DEPDC5: variants seen among roughly 807,000 people sequenced by gnomAD.
DEPDC5 encodes the protein GATOR1 complex protein DEPDC5.
A neutral mutation model predicts 217.3 loss-of-function variants in DEPDC5; 73 were observed. The observed-to-expected ratio is 0.34, with a 90% CI of 0.28 to 0.41. DEPDC5 has a LOEUF of 0.41. Among genes scored for constraint, DEPDC5 ranks in the 10% least tolerant of loss-of-function variants. The pLI is 1.00. For missense variants in DEPDC5, 1,675 were observed against 2,070.1 expected, an observed-to-expected ratio of 0.81 and a Z score of 3.70; for synonymous variants, 733 against 756.7, an observed-to-expected ratio of 0.97 and a Z score of 0.51.
At chr22:31,785,242 A>C (rs1239547141) in intron 10 of DEPDC5, 2 of 164,844 alleles carry the variant, frequency 1.2e-5, no homozygotes, top group Admixed American at 1.3e-4. Flanking sequence ...ATTCACAGAT[A>C]ATATGATCCT....
intron 12 of DEPDC5, among the ~76,000 whole-genome samples, chr22:31,794,847 C>T (rs1272627714): frequency 1.3e-5 from 2 of 152,028 alleles, no homozygotes; most frequent in Non-Finnish European, 2.9e-5. Context: ...GATCATGCCA[C>T]TGCACTTTAG....
At chr22:31,900,921 T>A (rs1412514356) in intron 40 of DEPDC5, among the ~76,000 whole-genome samples, 1 of 151,154 alleles carries the variant, frequency 6.6e-6, no homozygotes, top group Non-Finnish European at 1.5e-5. Flanking sequence ...ACAAAAAGAT[T>A]TAAAAATTAA....
At chr22:31,837,206 A>G in intron 26 of DEPDC5, 51 bp downstream of exon 26, 3 of 1,592,098 alleles carry the variant, frequency 1.9e-6, no homozygotes, top group Non-Finnish European at 2.6e-6. Flanking sequence ...GGTTTCGGAT[A>G]TATCCCACAC....
In DEPDC5 at chr22:31,906,702, A is replaced by C; in HGVS notation, c.*205A>C. 1 of 669,436 alleles carries C rather than the reference A, an allele frequency of 1.5e-6. No individual in the cohort carries two copies. The highest frequency in any genetic ancestry group is 2.5e-6 in the Non-Finnish European group (1 of 402,584). 41.5% of individuals were successfully genotyped at this position (669,436 alleles called of 1,614,324 possible). A position where few individuals can be genotyped will look rare whatever the true frequency, so the allele number is the denominator to read the frequency against. On this transcript the variant is annotated 3_prime_UTR_variant, in exon 43 of 43. Coordinates refer to ENST00000651528, the MANE Select transcript of DEPDC5 (RefSeq NM_001242896.3). The surrounding 1 kb of genome is among the most constrained non-coding windows in gnomAD (Gnocchi z 5.1). Reference sequence around the variant, plus strand: ...TTCTACTCTAGAAGAAAGACTTTGGAAGCAGCTGCTGCTGCTGCCACCACT... The same window carrying C: ...TTCTACTCTAGAAGAAAGACTTTGGCAGCAGCTGCTGCTGCTGCCACCACT...
chr22:31,851,512 C>G (rs562415206), intron 31 of DEPDC5, among the ~76,000 whole-genome samples: 2 of 152,354 alleles, frequency 1.3e-5, no homozygotes, highest in African/African-American at 4.8e-5. Flanking sequence ...CATCAGAGCA[C>G]TTACCAGTAT....
chr22:31,810,435 A>G, intron 19 of DEPDC5, 86 bp from the exon 20 acceptor site: 2 of 1,584,144 alleles, frequency 1.3e-6, no homozygotes, highest in South Asian at 1.1e-5. Context: ...TATTTGGATG[A>G]CAATTTATAT....
At position 31,799,799 on chromosome 22, in the gene DEPDC5, C is replaced by CTTTTTT. The variant is rs1158355451; in HGVS notation, c.946+1165_946+1170dup. Among the ~76,000 whole-genome samples the CTTTTTT allele has an allele frequency of 3.7e-4, 27 of 72,932 alleles. 1 individual carries two copies. Among genetic ancestry groups the CTTTTTT allele is most frequent in the African/African-American group, 8.1e-4 (11 of 13,598 alleles). The allele number at this position is 72,932 out of a possible 152,430, so 47.8% of individuals were successfully genotyped here. A position where few individuals can be genotyped will look rare whatever the true frequency, so the allele number is the denominator to read the frequency against. On this transcript the variant is annotated intron_variant, in intron 14 of 42. Transcript: ENST00000651528. ...ACAGGCATGAGCCACCATGCCCGGC[C>CTTTTTT]TTTTTTTTTTTTTTTTTTTTTTTTT...
chr22:31,819,326 C>T lies in DEPDC5; in HGVS notation c.1870+101C>T, dbSNP rs143923637. ...TCCTTGGTCAGGTGCCTCTGTTGCT[C>T]CACCTGTAAGATGGGATAACCATGC... On this transcript the variant is annotated intron_variant, in intron 22 of 42. Coordinates refer to ENST00000651528, the MANE Select transcript of DEPDC5 (RefSeq NM_001242896.3). The T allele has an allele frequency of 9.3e-5, 119 of 1,282,302 alleles. No homozygotes were observed. The East Asian group carries it at 2.6e-3, about 28-fold the overall frequency. 79.4% of individuals were successfully genotyped at this position (1,282,302 alleles called of 1,614,324 possible).
chr22:31,886,852 C>CCTT (rs1164679028), intron 38 of DEPDC5, among the ~76,000 whole-genome samples: 1 of 139,972 alleles, frequency 7.1e-6, no homozygotes, highest in Admixed American at 7.2e-5. Context: ...GGGCGGATCA[C>CCTT]AAGGTCAGGA....
intron 41 of DEPDC5, 50 bp from the exon 42 acceptor site, chr22:31,905,934 C>G (rs763447860): frequency 6.6e-7 from 1 of 1,515,624 alleles, no homozygotes. Flanking sequence ...CTTCCCTTGC[C>G]CCTTTAACTA....
intron 10 of DEPDC5, 151 bp downstream of exon 10, chr22:31,785,026 A>G: frequency 1.6e-6 from 1 of 615,546 alleles, no homozygotes; most frequent in East Asian, 2.9e-5. Context: ...ATCTCAATTT[A>G]TGAGAATTTA....
chr22:31,893,838 T>A, intron 39 of DEPDC5, 87 bp downstream of exon 39: 2 of 1,369,900 alleles, frequency 1.5e-6, no homozygotes, highest in Non-Finnish European at 1.9e-6. Flanking sequence ...GTCACTTTAA[T>A]TTTTTAGTTC....
At chr22:31,803,148 G>T (rs1321651656) in intron 15 of DEPDC5, among the ~76,000 whole-genome samples, 1 of 152,010 alleles carries the variant, frequency 6.6e-6, no homozygotes, top group Non-Finnish European at 1.5e-5. Flanking sequence ...AACATATTTG[G>T]CACTAGAGAA....
At chr22:31,895,160 AAAAG>A (rs1303331169) in intron 39 of DEPDC5, among the ~76,000 whole-genome samples, 3 of 150,506 alleles carry the variant, frequency 2.0e-5, no homozygotes, top group African/African-American at 7.5e-5. Flanking sequence ...AAAAAAAAAA[AAAAG>A]GAAAGAAAGA....
chr22:31,788,381 C>A (rs938671050), intron 10 of DEPDC5, among the ~76,000 whole-genome samples: 33 of 150,674 alleles, frequency 2.2e-4, no homozygotes, highest in Admixed American at 1.3e-4. Flanking sequence ...TCAAGCCATC[C>A]TCCCTCCTCA....
chr22:31,803,605 C>G (rs1177108151), intron 15 of DEPDC5, among the ~76,000 whole-genome samples: 1 of 152,068 alleles, frequency 6.6e-6, no homozygotes, highest in African/African-American at 2.4e-5. Flanking sequence ...CCCACACCCC[C>G]CAATTTGATT....
intron 38 of DEPDC5, among the ~76,000 whole-genome samples, chr22:31,889,667 A>G (rs1165667340): frequency 6.6e-6 from 1 of 150,652 alleles, no homozygotes; most frequent in Non-Finnish European, 1.5e-5. Flanking sequence ...CAGCCTCCCA[A>G]GTAGCTGGGA....
chr22:31,820,900 C>T (rs997817916), intron 22 of DEPDC5, among the ~76,000 whole-genome samples: 4 of 152,172 alleles, frequency 2.6e-5, no homozygotes, highest in Non-Finnish European at 5.9e-5. Context: ...CTTGTGGTCT[C>T]CTGCACGTTT....
intron 31 of DEPDC5, among the ~76,000 whole-genome samples, chr22:31,852,261 A>G (rs1448200454): frequency 6.6e-6 from 1 of 152,174 alleles, no homozygotes; most frequent in Non-Finnish European, 1.5e-5. Context: ...ACGCGGCTTC[A>G]GTGAGAATCA....
Sources: allele counts gnomAD v4.1 joint callset (sites outside exome capture counted in the v4.1 genomes callset), GRCh38; gene constraint gnomAD v4.1.1; non-coding constraint Gnocchi (gnomAD v3.1); transcripts MANE v1.5; gene names NCBI Gene and HGNC (gene_info 2026-07-23, HGNC 2026-07-21).